Variants in ATXN7L1 observed in about 807,000 individuals in gnomAD.
ATXN7L1 encodes ataxin-7-like protein 1.
Under a neutral mutation model 70.8 loss-of-function variants are expected in ATXN7L1, and 15 were observed. The observed-to-expected ratio is 0.21, with a 90% confidence interval of 0.14 to 0.33. The LOEUF (loss-of-function observed/expected upper bound fraction) is 0.33, where lower values mean the gene tolerates loss of function less well. Ranked by LOEUF, ATXN7L1 falls within the 10% of genes least tolerant of loss-of-function variation. ATXN7L1 has a pLI of 1.00. For missense variants in ATXN7L1, 975 were observed against 1,097.1 expected (o/e 0.89, Z 1.57); for synonymous variants, 440 against 445.1 (o/e 0.99, Z 0.14).
intron 2 of ATXN7L1, among the ~76,000 whole-genome samples, chr7:105,871,215 C>T (rs1428079891): frequency 6.6e-6 from 1 of 151,416 alleles, no homozygotes; most frequent in East Asian, 1.9e-4. Context: ...ACATTCAGTT[C>T]CACCCCCCTT....
chr7:105,786,537 T>C (rs1804331515), intron 3 of ATXN7L1, among the ~76,000 whole-genome samples: 1 of 152,180 alleles, frequency 6.6e-6, no homozygotes, highest in Admixed American at 6.5e-5. Context: ...TTTGTTTCTC[T>C]TGAGACAGGG....
At chr7:105,633,767 T>C (rs1796959527) in intron 7 of ATXN7L1, among the ~76,000 whole-genome samples, 1 of 151,998 alleles carries the variant, frequency 6.6e-6, no homozygotes, top group Non-Finnish European at 1.5e-5. Context: ...AGAAGAAAAG[T>C]GGCTGAAACA....
chr7:105,812,469 C>A (rs991564151), intron 2 of ATXN7L1, among the ~76,000 whole-genome samples: 2 of 152,158 alleles, frequency 1.3e-5, no homozygotes, highest in Non-Finnish European at 2.9e-5. Flanking sequence ...TTGATTCTAT[C>A]AGTTTCTAAA....
chr7:105,646,323 C>T (rs1236389138), intron 4 of ATXN7L1, among the ~76,000 whole-genome samples: 1 of 151,290 alleles, frequency 6.6e-6, no homozygotes, highest in East Asian at 2.0e-4. Flanking sequence ...CTGGCACCCC[C>T]CAAACCCAAA....
At chr7:105,663,567 T>C (rs1802046101) in intron 4 of ATXN7L1, among the ~76,000 whole-genome samples, 1 of 152,202 alleles carries the variant, frequency 6.6e-6, no homozygotes, top group South Asian at 2.1e-4. Context: ...TTCTCTGTCT[T>C]CTCAAGGCTT....
chr7:105,624,727 G>A (rs1203857889), intron 7 of ATXN7L1, among the ~76,000 whole-genome samples: 3 of 151,544 alleles, frequency 2.0e-5, no homozygotes, highest in African/African-American at 7.3e-5. Context: ...TTTGCATAAG[G>A]GAAAACAATC....
Position 105,638,513 on chromosome 7 carries a change from C to T in ATXN7L1, c.1042G>A (p.Val348Ile). Residue 348 changes from valine (V) to isoleucine (I), a missense_variant, in exon 7 of 12, where the codon GTT (valine) becomes ATT (isoleucine). Val to Ile is a conservative substitution (Grantham distance 29, BLOSUM62 3). Coordinates refer to ENST00000419735, the MANE Select transcript of ATXN7L1 (RefSeq NM_020725.2). ...EHKAKSREKE[V>I]KDKEHLLTST... ...GTCAGGAGATGCTCTTTATCTTTAACTTCTTTTTCCCGGGACTTTGCTTTG... is the reference window on the plus strand; with the variant it reads ...GTCAGGAGATGCTCTTTATCTTTAATTTCTTTTTCCCGGGACTTTGCTTTG... 6.4e-7 allele frequency: 1 copy of T among 1,552,276 alleles called. No individual in the cohort carries two copies. Among genetic ancestry groups the T allele is most frequent in the African/African-American group, 1.4e-5 (1 of 73,154 alleles).
At chr7:105,755,804 G>A (rs28373677) in intron 3 of ATXN7L1, among the ~76,000 whole-genome samples, 2,025 of 152,266 alleles carry the variant, frequency 0.013, 39 homozygotes, top group African/African-American at 0.043. Context: ...GCTTTGTATT[G>A]TAAAATAAAG....
At chr7:105,860,850 T>A (rs1423316149) in intron 2 of ATXN7L1, among the ~76,000 whole-genome samples, 1 of 152,196 alleles carries the variant, frequency 6.6e-6, no homozygotes, top group Admixed American at 6.5e-5. Context: ...GATGATATGA[T>A]CGCTTTTCCT....
intron 3 of ATXN7L1, among the ~76,000 whole-genome samples, chr7:105,704,470 T>A (rs1792871671): frequency 1.3e-5 from 2 of 151,736 alleles, no homozygotes; most frequent in Admixed American, 1.3e-4. Context: ...AATAACAGGC[T>A]AATAGTAAAA....
chr7:105,675,157 TAA>T (rs3999822), intron 3 of ATXN7L1, among the ~76,000 whole-genome samples: 22,967 of 150,438 alleles, frequency 0.15, 1,949 homozygotes, highest in South Asian at 0.33. Context: ...TTACTACAGT[TAA>T]AAAAAAAAAT....
chr7:105,769,562 G>A (rs1274445339), intron 3 of ATXN7L1, among the ~76,000 whole-genome samples: 2 of 152,072 alleles, frequency 1.3e-5, no homozygotes, highest in African/African-American at 4.8e-5. Flanking sequence ...GGGCGAAGAC[G>A]GGAAATTTCT....
chr7:105,756,918 GT>G (rs550762452), intron 3 of ATXN7L1, among the ~76,000 whole-genome samples: 18 of 152,052 alleles, frequency 1.2e-4, no homozygotes, highest in South Asian at 4.2e-4. Context: ...GTAGATGGGA[GT>G]TTTTTTTAAC....
rs1205624280 is a variant in ATXN7L1 at position 105,727,744 on chromosome 7, G to GTATATATATATATATA, written c.355+60859_355+60860insTATATATATATATATA. On this transcript the variant is annotated intron_variant, in intron 3 of 11. Transcript: ENST00000419735. ...TCCATAGGGGTGTGTGTGTGTATGT[G>GTATATATATATATATA]TGTATATATATATATATATATATAT... 4.7e-3 allele frequency among the ~76,000 whole-genome samples: 149 copies of GTATATATATATATATA among 31,708 alleles called. 1 individual carries two copies. The highest frequency in any genetic ancestry group is 0.033 in the African/African-American group (143 of 4,346). 20.8% of individuals were successfully genotyped at this position (31,708 alleles called of 152,430 possible). A position where few individuals can be genotyped will look rare whatever the true frequency, so the allele number is the denominator to read the frequency against.
At chr7:105,835,496 G>C (rs1438005757) in intron 2 of ATXN7L1, among the ~76,000 whole-genome samples, 2 of 151,928 alleles carry the variant, frequency 1.3e-5, no homozygotes, top group Non-Finnish European at 2.9e-5. Flanking sequence ...GGAGGTAAGG[G>C]GCCCAAGTTG....
At chr7:105,808,328 CTGGGAAGCACT>C (rs1331087690) in intron 2 of ATXN7L1, among the ~76,000 whole-genome samples, 2 of 152,194 alleles carry the variant, frequency 1.3e-5, no homozygotes, top group African/African-American at 4.8e-5. Flanking sequence ...TCAAAGGGTG[CTGGGAAGCACT>C]GGGGAGACAG....
chr7:105,798,091 G>T (rs1204351942), intron 2 of ATXN7L1, among the ~76,000 whole-genome samples: 3 of 152,170 alleles, frequency 2.0e-5, no homozygotes, highest in African/African-American at 7.2e-5. Flanking sequence ...GTCAATAATT[G>T]TCTCTATTTA....
At chr7:105,770,394 G>C (rs942007437) in intron 3 of ATXN7L1, among the ~76,000 whole-genome samples, 26 of 152,226 alleles carry the variant, frequency 1.7e-4, no homozygotes, top group Non-Finnish European at 2.9e-5. Flanking sequence ...GTTAAGAGGA[G>C]AGAATCTTTT....
At chr7:105,776,916 C>T (rs776850409) in intron 3 of ATXN7L1, among the ~76,000 whole-genome samples, 12 of 152,124 alleles carry the variant, frequency 7.9e-5, no homozygotes, top group Non-Finnish European at 1.8e-4. Flanking sequence ...ATTATAGGCA[C>T]GTGCCACCAT....
Sources: gnomAD v4.1 joint callset for allele counts (sites outside exome capture counted in the v4.1 genomes callset) on GRCh38, gnomAD v4.1.1 for gene constraint, MANE v1.5 for transcripts, NCBI Gene and HGNC (gene_info 2026-07-23, HGNC 2026-07-21) for gene names.